The following LCA5L variants were observed in gnomAD, a reference collection of about 807,000 sequenced individuals.
The protein encoded by LCA5L is lebercilin LCA5 like, also known as lebercilin-like protein.
A neutral mutation model predicts 45.4 loss-of-function variants in LCA5L; 35 were observed. That is an observed-to-expected ratio of 0.77 (90% CI 0.59 to 1.02). The LOEUF is 1.02. LCA5L is among the 50% of genes least tolerant of loss of function. LCA5L has a pLI of 0.00. For missense variants in LCA5L, 668 were observed against 761.6 expected (o/e 0.88, Z 1.45); for synonymous variants, 233 against 264.7 (o/e 0.88, Z 1.16).
chr21:39,411,220 G>A, intron 8 of LCA5L: 1 of 248,558 alleles, frequency 4.0e-6, no homozygotes, highest in Non-Finnish European at 8.0e-6. Flanking sequence ...TGAGGTAGGG[G>A]ACTACTGACT....
At chr21:39,439,672 A>C (rs1203101592) in intron 2 of LCA5L, 1 of 152,204 alleles carries the variant, frequency 6.6e-6, no homozygotes, top group Non-Finnish European at 1.5e-5. Flanking sequence ...TGGAAAAATG[A>C]GCTGGAGAAA....
chr21:39,416,534 C>T (rs1452919607), intron 7 of LCA5L, among the ~76,000 whole-genome samples: 1 of 152,120 alleles, frequency 6.6e-6, no homozygotes, highest in Non-Finnish European at 1.5e-5. Flanking sequence ...GGATATGGAA[C>T]TTACAGACCA....
chr21:39,422,792 C>T, intron 6 of LCA5L, 184 bp downstream of exon 6: 3 of 605,290 alleles, frequency 5.0e-6, no homozygotes, highest in Non-Finnish European at 8.6e-6. Flanking sequence ...TGAGCTGCTT[C>T]TGTTTTTCCT....
intron 7 of LCA5L, among the ~76,000 whole-genome samples, chr21:39,416,655 T>C (rs562145728): frequency 2.1e-5 from 3 of 143,126 alleles, no homozygotes; most frequent in Non-Finnish European, 3.1e-5. Context: ...TCTATCTTAC[T>C]TCTGTATTTT....
At chr21:39,431,051 T>A (rs1321878972) in intron 3 of LCA5L, among the ~76,000 whole-genome samples, 1 of 152,180 alleles carries the variant, frequency 6.6e-6, no homozygotes, top group East Asian at 1.9e-4. Context: ...ATGGAAATCC[T>A]GTAGAGCCAC....
In LCA5L at chr21:39,418,421, T is replaced by C. The variant is rs1007877057; in HGVS notation, c.975+2285A>G. Among the ~76,000 whole-genome samples the C allele has an allele frequency of 1.6e-4, 24 of 152,342 alleles. 1 individual carries two copies. Among genetic ancestry groups the C allele is most frequent in the East Asian group, 9.6e-4 (5 of 5,184 alleles). Reference sequence around the variant, plus strand: ...AAAAATAAATTTGGATCTTACTGTATATAGAATTTTCTATCTTTTCATTAA... The same window carrying C: ...AAAAATAAATTTGGATCTTACTGTACATAGAATTTTCTATCTTTTCATTAA... On this transcript the variant is annotated intron_variant, in intron 7 of 10. Transcript: ENST00000288350.
At chr21:39,418,245 A>G (rs2147498543) in intron 7 of LCA5L, among the ~76,000 whole-genome samples, 1 of 152,290 alleles carries the variant, frequency 6.6e-6, no homozygotes, top group South Asian at 2.1e-4. Flanking sequence ...CAGCCAAACC[A>G]TATCAAGGAT....
intron 7 of LCA5L, among the ~76,000 whole-genome samples, chr21:39,416,294 T>C (rs7276575): frequency 0.23 from 35,059 of 152,140 alleles, 4,396 homozygotes; most frequent in African/African-American, 0.33. Context: ...TTATGAAGTG[T>C]GGATTCATTT....
intron 7 of LCA5L, among the ~76,000 whole-genome samples, 179 bp downstream of exon 7, chr21:39,420,522 CAAAAA>C (rs397972848): frequency 1.1e-5 from 1 of 87,158 alleles, no homozygotes; most frequent in South Asian, 5.1e-4. Context: ...GATTCTATCT[CAAAAA>C]AAAAAAAAAA....
chr21:39,441,855 T>C (rs73367974), intron 2 of LCA5L, among the ~76,000 whole-genome samples: 37,551 of 152,194 alleles, frequency 0.25, 5,498 homozygotes, highest in African/African-American at 0.41. Flanking sequence ...TAGAATTGTA[T>C]TAAAACACAC....
At chr21:39,439,600 G>C (rs1211661439) in intron 2 of LCA5L, 1 of 152,228 alleles carries the variant, frequency 6.6e-6, no homozygotes, top group African/African-American at 2.4e-5. Flanking sequence ...GCTTTACCTT[G>C]CCTTGGACTA....
intron 10 of LCA5L, among the ~76,000 whole-genome samples, chr21:39,407,427 G>A (rs2039265420): frequency 6.6e-6 from 1 of 152,114 alleles, no homozygotes; most frequent in South Asian, 2.1e-4. Context: ...AAGATTTTAG[G>A]TGAATATACT....
intron 2 of LCA5L, among the ~76,000 whole-genome samples, chr21:39,440,516 C>G (rs2076729757): frequency 6.6e-6 from 1 of 151,958 alleles, no homozygotes; most frequent in Non-Finnish European, 1.5e-5. Flanking sequence ...CCAGCCCGGA[C>G]AAGAGTGAGA....
At chr21:39,435,131 G>A (rs8129943) in intron 3 of LCA5L, among the ~76,000 whole-genome samples, 140,100 of 152,252 alleles carry the variant, frequency 0.92, 64,616 homozygotes, top group African/African-American at 0.98. Context: ...GTTATGACTC[G>A]GGAACACAAT....
At chr21:39,429,452 A>C (rs1425633480) in intron 3 of LCA5L, 1 of 152,220 alleles carries the variant, frequency 6.6e-6, no homozygotes, top group African/African-American at 2.4e-5. Context: ...CTTAATATCT[A>C]ACTAGTGCTC....
intron 3 of LCA5L, among the ~76,000 whole-genome samples, chr21:39,429,952 T>A (rs1374752785): frequency 6.6e-6 from 1 of 152,040 alleles, no homozygotes. Flanking sequence ...GAGGCAGAGG[T>A]TGCAGTGAGC....
chr21:39,438,471 T>C (rs568798763), intron 2 of LCA5L, among the ~76,000 whole-genome samples: 1 of 152,268 alleles, frequency 6.6e-6, no homozygotes, highest in East Asian at 1.9e-4. Flanking sequence ...AAAACTTCCT[T>C]ATAATTAAAA....
chr21:39,418,614 C>T (rs2041726372), intron 7 of LCA5L, among the ~76,000 whole-genome samples: 1 of 152,104 alleles, frequency 6.6e-6, no homozygotes, highest in Admixed American at 6.5e-5. Flanking sequence ...AATTCTCCTG[C>T]CTCAGCCTCC....
At chr21:39,443,079 C>T (rs999413430) in intron 2 of LCA5L, among the ~76,000 whole-genome samples, 5 of 152,084 alleles carry the variant, frequency 3.3e-5, no homozygotes, top group African/African-American at 9.7e-5. Context: ...TTTCAGATGC[C>T]GCTGAGAGAT....
Sources: allele counts gnomAD v4.1 joint callset (sites outside exome capture counted in the v4.1 genomes callset), GRCh38; gene constraint gnomAD v4.1.1; transcripts MANE v1.5; gene names NCBI Gene and HGNC (gene_info 2026-07-23, HGNC 2026-07-21).